KCNIP1: variants seen among roughly 807,000 people sequenced by gnomAD.
KCNIP1 encodes the protein A-type potassium channel modulatory protein KCNIP1.
In KCNIP1, 18 loss-of-function variants were observed where a neutral mutation model predicts 33.0. That is an observed-to-expected ratio of 0.55 (90% confidence interval 0.38 to 0.81). KCNIP1 has a LOEUF of 0.81. Among genes scored for constraint, KCNIP1 ranks in the 30% least tolerant of loss-of-function variants. The pLI is 0.00. For synonymous variants in KCNIP1, 93 were observed against 98.3 expected, an observed-to-expected ratio of 0.95 and a Z score of 0.32; for missense variants, 238 against 271.6, an observed-to-expected ratio of 0.88 and a Z score of 0.87.
intron 1 of KCNIP1, among the ~76,000 whole-genome samples, chr5:170,655,881 G>A (rs758493041): frequency 3.3e-5 from 5 of 152,154 alleles, no homozygotes; most frequent in Admixed American, 6.5e-5. Flanking sequence ...CCAATGGTTC[G>A]GCCACCCGGC....
upstream of KCNIP1, among the ~76,000 whole-genome samples, chr5:170,503,707 A>ACG (rs1754543908): frequency 1.1e-5 from 1 of 88,646 alleles, no homozygotes; most frequent in Non-Finnish European, 2.4e-5. Flanking sequence ...ACACACACAC[A>ACG]CACGCACGCA....
At chr5:170,670,915 A>T (rs9313517) in intron 1 of KCNIP1, among the ~76,000 whole-genome samples, 48,177 of 138,764 alleles carry the variant, frequency 0.35, 8,195 homozygotes, top group East Asian at 0.5. Flanking sequence ...AAAAAAAAAT[A>T]AAAAAAAAAG....
At chr5:170,539,116 C>T (rs1006825719) in intron 1 of KCNIP1, among the ~76,000 whole-genome samples, 12 of 152,040 alleles carry the variant, frequency 7.9e-5, no homozygotes, top group Non-Finnish European at 1.5e-4. Context: ...TCTCACTAGC[C>T]CAAGCCAAAC....
chr5:170,399,618 C>T (rs1172976390), intron 1 of KCNIP1, among the ~76,000 whole-genome samples: 1 of 152,190 alleles, frequency 6.6e-6, no homozygotes, highest in Admixed American at 6.5e-5. Flanking sequence ...AAGATTGATA[C>T]AAATCCTTTC....
At chr5:170,455,838 TG>T (rs1345468754) in intron 1 of KCNIP1, among the ~76,000 whole-genome samples, 2 of 152,100 alleles carry the variant, frequency 1.3e-5, no homozygotes, top group Non-Finnish European at 2.9e-5. Context: ...ACATTAAAAA[TG>T]GAGAAAGTTA....
intron 1 of KCNIP1, among the ~76,000 whole-genome samples, chr5:170,635,342 T>G (rs892008517): frequency 6.6e-6 from 1 of 152,240 alleles, no homozygotes; most frequent in Non-Finnish European, 1.5e-5. Flanking sequence ...GAAGACCTTT[T>G]AAAGTAGATG....
chr5:170,423,607 T>G, intron 1 of KCNIP1, among the ~76,000 whole-genome samples: 1 of 152,208 alleles, frequency 6.6e-6, no homozygotes, highest in East Asian at 1.9e-4. Context: ...GAGCAAAGAT[T>G]AAAAGCCAGC....
chr5:170,407,207 CG>C (rs1755059149), intron 1 of KCNIP1, among the ~76,000 whole-genome samples: 1 of 152,182 alleles, frequency 6.6e-6, no homozygotes, highest in African/African-American at 2.4e-5. Flanking sequence ...CTACTGCTAG[CG>C]GGGGAAGCTG....
chr5:170,670,553 C>T (rs367646058), intron 1 of KCNIP1, among the ~76,000 whole-genome samples: 6 of 152,246 alleles, frequency 3.9e-5, no homozygotes, highest in African/African-American at 1.4e-4. Flanking sequence ...ATTTGGTTAA[C>T]CCGAGTAAGG....
At chr5:170,468,719 A>G (rs1264504696) in intron 1 of KCNIP1, among the ~76,000 whole-genome samples, 1 of 147,178 alleles carries the variant, frequency 6.8e-6, no homozygotes, top group Non-Finnish European at 1.5e-5. Context: ...TATCTCTACT[A>G]AAAAAAAAAC....
chr5:170,401,952 A>G (rs1754915942), intron 1 of KCNIP1, among the ~76,000 whole-genome samples: 2 of 152,116 alleles, frequency 1.3e-5, no homozygotes, highest in South Asian at 4.2e-4. Context: ...TTCAAAATCA[A>G]GCTGTCAGCA....
At chr5:170,361,543 G>A (rs754240197) in intron 1 of KCNIP1, among the ~76,000 whole-genome samples, 11 of 152,160 alleles carry the variant, frequency 7.2e-5, no homozygotes, top group Non-Finnish European at 1.0e-4. Context: ...CTGGGTTTGA[G>A]TCCAAATCCT....
At chr5:170,597,860 A>G (rs1430552633) in intron 1 of KCNIP1, among the ~76,000 whole-genome samples, 1 of 146,810 alleles carries the variant, frequency 6.8e-6, no homozygotes, top group Non-Finnish European at 1.5e-5. Flanking sequence ...GAGAGAGAGA[A>G]AGACACAAAG....
upstream of KCNIP1, among the ~76,000 whole-genome samples, chr5:170,502,759 TG>T (rs908106136): frequency 6.6e-6 from 1 of 151,718 alleles, no homozygotes; most frequent in Non-Finnish European, 1.5e-5. Flanking sequence ...AATGGCTGGG[TG>T]GGATTGTAGG....
chr5:170,378,796 AG>A (rs1305414765), intron 1 of KCNIP1: 1 of 1,614,208 alleles, frequency 6.2e-7, no homozygotes, highest in East Asian at 2.2e-5. Context: ...GTGGGCCAGA[AG>A]AGGGAGAAGA....
chr5:170,719,627 G>C (rs770003946), intron 2 of KCNIP1, among the ~76,000 whole-genome samples: 2 of 152,170 alleles, frequency 1.3e-5, no homozygotes, highest in Non-Finnish European at 2.9e-5. Context: ...AGGTAGAGCT[G>C]AGCTGGGTCA....
intron 1 of KCNIP1, among the ~76,000 whole-genome samples, chr5:170,387,104 A>G (rs1293821217): frequency 1.3e-5 from 2 of 152,012 alleles, no homozygotes; most frequent in Non-Finnish European, 2.9e-5. Flanking sequence ...TGTTGTTTTT[A>G]TTTGTTTAAA....
chr5:170,639,694 TCTC>T (rs973973146), intron 1 of KCNIP1: 1 of 152,294 alleles, frequency 6.6e-6, no homozygotes, highest in African/African-American at 2.4e-5. Flanking sequence ...GGAACCTTCC[TCTC>T]CTCCTGTCTC....
chr5:170,660,728 G>A (rs10076389), intron 1 of KCNIP1, among the ~76,000 whole-genome samples: 22,942 of 152,204 alleles, frequency 0.15, 2,053 homozygotes, highest in African/African-American at 0.25. Context: ...CCTGACCAGC[G>A]GGGCTCCCCA....
Sources: allele counts gnomAD v4.1 joint callset (sites outside exome capture counted in the v4.1 genomes callset), GRCh38; gene constraint gnomAD v4.1.1; transcripts MANE v1.5; gene names NCBI Gene and HGNC (gene_info 2026-07-23, HGNC 2026-07-21).